The following ATP10B variants were observed in gnomAD, a reference collection of about 807,000 sequenced individuals.
ATP10B encodes the protein phospholipid-transporting ATPase VB.
ATP10B carries 122 observed loss-of-function variants against 141.2 expected under a neutral mutation model. That is an observed-to-expected ratio of 0.86 (90% CI 0.75 to 1.00). The LOEUF is 1.00. ATP10B is among the 50% of genes least tolerant of loss of function. The pLI, the probability that ATP10B is intolerant of heterozygous loss-of-function variation, is 0.00. For synonymous variants in ATP10B, 685 were observed against 692.0 expected (o/e 0.99, Z 0.16); for missense variants, 1,876 against 1,825.3 (o/e 1.03, Z -0.51).
intron 6 of ATP10B, among the ~76,000 whole-genome samples, chr5:160,675,872 T>A (rs1029820663): frequency 2.2e-4 from 9 of 40,768 alleles, no homozygotes; most frequent in African/African-American, 3.9e-4. Context: ...AGCAGGGGGG[T>A]GGGGGAGGGG....
chr5:160,784,009 G>A (rs755847470), intron 2 of ATP10B, among the ~76,000 whole-genome samples: 10 of 152,080 alleles, frequency 6.6e-5, no homozygotes, highest in Non-Finnish European at 1.5e-4. Flanking sequence ...TGAAATTGAG[G>A]AAAATAATAA....
intron 21 of ATP10B, 22 bp downstream of exon 21, chr5:160,602,555 G>C (rs758491257): frequency 1.4e-4 from 228 of 1,613,254 alleles, no homozygotes; most frequent in Non-Finnish European, 1.7e-4. Flanking sequence ...CCCTGGGTGA[G>C]AGGACGCCAT....
chr5:160,653,681 C>CA (rs1561705869), intron 7 of ATP10B, among the ~76,000 whole-genome samples: 192 of 30,176 alleles, frequency 6.4e-3, no homozygotes, highest in African/African-American at 0.015. Flanking sequence ...ATTATATATA[C>CA]ATATATACAT....
In ATP10B at chr5:160,807,425, C is replaced by A. The variant is rs570445096; in HGVS notation, c.-575-21622G>T. 1.7e-3 allele frequency among the ~76,000 whole-genome samples: 258 copies of A among 152,192 alleles called. 1 individual carries two copies. Among genetic ancestry groups the A allele is most frequent in the African/African-American group, 5.7e-3 (237 of 41,510 alleles). On this transcript the variant is annotated intron_variant, in intron 1 of 25. Coordinates refer to ENST00000327245, the MANE Select transcript of ATP10B (RefSeq NM_025153.3). ...ATGGGCTGTGCTTTGAGATGCTGAG[C>A]ACACAGAGAATATTTAGACAGTGAG...
rs1758118985 is a variant in ATP10B, at chr5:160,617,955, T to C, written c.2435A>G (p.Glu812Gly). The C allele has an allele frequency of 6.2e-7, 1 of 1,614,160 alleles. No individual in the cohort carries two copies. The highest frequency in any genetic ancestry group is 1.1e-5 in the South Asian group (1 of 91,088). The change falls in exon 16 of 26, where the codon GAA becomes GGA. Residue 812 changes from glutamate to glycine, a missense_variant. Coordinates refer to ENST00000327245, the MANE Select transcript of ATP10B (RefSeq NM_025153.3). ...GGCTCGGATTTTTCTCAGCTTCTTT[T>C]CCATATTAATGTCAGGTACTGTCAA... ...DPACVPDINMEKKLRKIRART... is the reference protein window; with the variant it reads ...DPACVPDINMGKKLRKIRART...
chr5:160,587,448 G>T (rs1300964219), intron 24 of ATP10B, among the ~76,000 whole-genome samples: 1 of 152,146 alleles, frequency 6.6e-6, no homozygotes, highest in South Asian at 2.1e-4. Context: ...ATTTAAAGTA[G>T]ATTTTTCTAA....
chr5:160,614,633 C>A (rs1210518757), intron 17 of ATP10B: 1 of 152,328 alleles, frequency 6.6e-6, no homozygotes, highest in Non-Finnish European at 1.5e-5. Context: ...ACATAGGAAA[C>A]CAAAGGCTGA....
At chr5:160,903,461 C>T in the ATP10B span, among the ~76,000 whole-genome samples, 1 of 152,156 alleles carries the variant, frequency 6.6e-6, no homozygotes, top group Admixed American at 6.5e-5. Flanking sequence ...AGTAGCTTTA[C>T]AGAGTCATCA....
intron 1 of ATP10B, among the ~76,000 whole-genome samples, chr5:160,848,432 A>C (rs1184591018): frequency 6.6e-6 from 1 of 152,250 alleles, no homozygotes. Flanking sequence ...AATAAATGGC[A>C]CAAATGAAAT....
At chr5:160,842,181 A>G (rs1775849965) in intron 1 of ATP10B, among the ~76,000 whole-genome samples, 1 of 152,236 alleles carries the variant, frequency 6.6e-6, no homozygotes, top group Non-Finnish European at 1.5e-5. Flanking sequence ...GGATAACTAA[A>G]AAACATTTTC....
chr5:160,650,900 C>T (rs1423184367), intron 7 of ATP10B, among the ~76,000 whole-genome samples: 1 of 152,148 alleles, frequency 6.6e-6, no homozygotes, highest in East Asian at 1.9e-4. Flanking sequence ...CGAGAAATAG[C>T]AGCCCAACCC....
chr5:160,756,462 G>C (rs1371589001), intron 2 of ATP10B, among the ~76,000 whole-genome samples: 1 of 152,302 alleles, frequency 6.6e-6, no homozygotes, highest in East Asian at 1.9e-4. Flanking sequence ...TGTTTACAAA[G>C]TGATTTCACC....
At chr5:160,908,936 A>G in the ATP10B span, among the ~76,000 whole-genome samples, 1 of 151,856 alleles carries the variant, frequency 6.6e-6, no homozygotes, top group African/African-American at 2.4e-5. Flanking sequence ...TTTCCTACCC[A>G]CCGCCCTCTG....
chr5:160,889,074 G>T, the ATP10B span, among the ~76,000 whole-genome samples: 5 of 152,252 alleles, frequency 3.3e-5, no homozygotes, highest in East Asian at 7.7e-4. Context: ...TGCTTAATAT[G>T]ATGGGGAACT....
At chr5:160,889,039 A>G in the ATP10B span, among the ~76,000 whole-genome samples, 1 of 152,164 alleles carries the variant, frequency 6.6e-6, no homozygotes, top group Non-Finnish European at 1.5e-5. Flanking sequence ...GGGATAAGCC[A>G]CCTAAACCAA....
chr5:160,893,001 G>A, the ATP10B span, among the ~76,000 whole-genome samples: 10 of 152,218 alleles, frequency 6.6e-5, no homozygotes, highest in East Asian at 3.9e-4. Context: ...CATGATGAAC[G>A]GTGCACTCCA....
chr5:160,821,384 G>C (rs73305816), intron 1 of ATP10B, among the ~76,000 whole-genome samples: 1 of 151,814 alleles, frequency 6.6e-6, no homozygotes, highest in African/African-American at 2.4e-5. Flanking sequence ...AAAAAGCAAA[G>C]ATATTCCATG....
the ATP10B span, among the ~76,000 whole-genome samples, chr5:160,870,575 G>C: frequency 6.6e-6 from 1 of 152,072 alleles, no homozygotes; most frequent in African/African-American, 2.4e-5. Context: ...ATCCAAGGAT[G>C]GGACAACTAA....
intron 7 of ATP10B, 42 bp from the exon 8 acceptor site, chr5:160,649,298 ATC>A: frequency 7.0e-7 from 1 of 1,433,740 alleles, no homozygotes; most frequent in Non-Finnish European, 9.8e-7. Flanking sequence ...ATTCAGAGGG[ATC>A]TAGTTTTAAT....
Sources: allele counts gnomAD v4.1 joint callset (sites outside exome capture counted in the v4.1 genomes callset), GRCh38; gene constraint gnomAD v4.1.1; transcripts MANE v1.5; gene names NCBI Gene and HGNC (gene_info 2026-07-23, HGNC 2026-07-21).